The following WNK4 variants were observed in gnomAD, a reference collection of about 807,000 sequenced individuals.
The protein encoded by WNK4 is serine/threonine-protein kinase WNK4.
In WNK4, 94 loss-of-function variants were observed where a neutral mutation model predicts 116.2. That is an observed-to-expected ratio of 0.81 (90% CI 0.68 to 0.96). The LOEUF (loss-of-function observed/expected upper bound fraction) is 0.96. WNK4 is among the 40% of genes least tolerant of loss of function. The pLI, the probability that WNK4 is intolerant of heterozygous loss-of-function variation, is 0.00. For missense variants in WNK4, 1,542 were observed against 1,650.6 expected, an observed-to-expected ratio of 0.93 and a Z score of 1.14; for synonymous variants, 655 against 672.7, an observed-to-expected ratio of 0.97 and a Z score of 0.41.
chr17:42,782,814 C>T lies in WNK4; in HGVS notation c.675C>T (p.Leu225=), dbSNP rs1026689965. The T allele has an allele frequency of 6.8e-6, 11 of 1,614,066 alleles. No individual in the cohort carries two copies. The highest frequency in any genetic ancestry group is 7.6e-6 in the Non-Finnish European group (9 of 1,180,042). The change falls in exon 2 of 19, where the codon CTC becomes CTT. Residue 225 remains leucine, a synonymous_variant. Coordinates refer to ENST00000246914, the MANE Select transcript of WNK4 (RefSeq NM_032387.5). This position sits in a 1 kb window ranked among gnomAD's most constrained non-coding sequence, Gnocchi z 4.2. Reference sequence around the variant, plus strand: ...GCTTCTCAGAGGAGGTGGAGATGCTCAAGGGGCTGCAGCACCCCAACATCG... The same window carrying T: ...GCTTCTCAGAGGAGGTGGAGATGCTTAAGGGGCTGCAGCACCCCAACATCG... The part of the protein sequence containing the change: ...RQRFSEEVEM[L]KGLQHPNIVR...
At chr17:42,792,190 T>C (rs2054613910) in intron 11 of WNK4, among the ~76,000 whole-genome samples, 1 of 152,184 alleles carries the variant, frequency 6.6e-6, no homozygotes, top group Non-Finnish European at 1.5e-5. Context: ...ATGATAGTAT[T>C]TGTTTTGCAA....
At position 42,784,300 on chromosome 17, in the gene WNK4, A is replaced by C. The variant is rs1055727162; in HGVS notation, c.1013-122A>C. 10 of 1,537,530 alleles carry C rather than the reference A, an allele frequency of 6.5e-6. No homozygotes were observed. Among genetic ancestry groups the C allele is most frequent in the Admixed American group, 3.7e-5 (2 of 54,124 alleles). The stretch of plus-strand genomic sequence containing the variant: ...GAAGCTGAGGAGACCTATGGCACCC[A>C]CCTCAACCCCACTGTGGGCCGGGGT... On this transcript the variant is annotated intron_variant, in intron 3 of 18. Coordinates refer to ENST00000246914, the MANE Select transcript of WNK4 (RefSeq NM_032387.5). This position sits in a 1 kb window ranked among gnomAD's most constrained non-coding sequence, Gnocchi z 4.4.
In WNK4 at chr17:42,782,718, T is replaced by G; in HGVS notation, c.619-40T>G. 1 of 1,612,560 alleles carries G rather than the reference T, an allele frequency of 6.2e-7. No individual in the cohort carries two copies. Among genetic ancestry groups the G allele is most frequent in the Non-Finnish European group, 8.5e-7 (1 of 1,179,514 alleles). On this transcript the variant is annotated intron_variant, in intron 1 of 18. Coordinates refer to ENST00000246914, the MANE Select transcript of WNK4 (RefSeq NM_032387.5). The surrounding 1 kb of genome is among the most constrained non-coding windows in gnomAD (Gnocchi z 4.2). Reference sequence around the variant, plus strand: ...AGGTGTCCCTCTTCCTTTCTGTGGGTGTCCTGGGCCTGACATGACACCCGT... The same window carrying G: ...AGGTGTCCCTCTTCCTTTCTGTGGGGGTCCTGGGCCTGACATGACACCCGT...
chr17:42,784,535 T>G lies in WNK4; in HGVS notation c.1126T>G (p.Ser376Ala), dbSNP rs1568027539. 6.2e-7 allele frequency: 1 copy of G among 1,614,036 alleles called. No individual in the cohort carries two copies. Among genetic ancestry groups the G allele is most frequent in the East Asian group, 2.2e-5 (1 of 44,864 alleles). Residue 376 changes from serine to alanine, a missense_variant, in exon 4 of 19, where the codon TCC (serine) becomes GCC (alanine). Ser to Ala is a moderately conservative substitution (Grantham distance 99). Coordinates refer to ENST00000246914, the MANE Select transcript of WNK4 (RefSeq NM_032387.5). The surrounding 1 kb of genome is among the most constrained non-coding windows in gnomAD (Gnocchi z 4.4). ...GATGGCCACCTCTGAGTACCCGTACTCCGAGTGCCAGAATGCCGCGCAAAT... is the reference window on the plus strand; with the variant it reads ...GATGGCCACCTCTGAGTACCCGTACGCCGAGTGCCAGAATGCCGCGCAAAT... The part of the protein sequence containing the change: ...LEMATSEYPY[S>A]ECQNAAQIYR...
In WNK4 at chr17:42,794,912, A is replaced by ATG; in HGVS notation, c.2492_2493insGT (p.Ile831MetfsTer105). ...CATTTCCCCAGGTCCCATCTTCCCCATCACTTCTCCCCCATGTCATCCCAG... is the reference window on the plus strand; with the variant it reads ...CATTTCCCCAGGTCCCATCTTCCCCATGTCACTTCTCCCCCATGTCATCCCAG... On this transcript the variant is annotated frameshift_variant, in exon 14 of 19. Transcript: ENST00000246914. LOFTEE classifies it high-confidence loss of function. 3 of 1,216,362 alleles carry ATG rather than the reference A, an allele frequency of 2.5e-6. No individual in the cohort carries two copies. The highest frequency in any genetic ancestry group is 3.2e-6 in the Non-Finnish European group (3 of 928,612). 75.3% of individuals were successfully genotyped at this position (1,216,362 alleles called of 1,614,324 possible). A position where few individuals can be genotyped will look rare whatever the true frequency, so the allele number is the denominator to read the frequency against.
chr17:42,784,926 T>TGGG lies in WNK4; in HGVS notation c.1171-163_1171-161dup, dbSNP rs35483050. 2.1e-3 allele frequency among the ~76,000 whole-genome samples: 239 copies of TGGG among 113,140 alleles called. 4 individuals carry two copies. The highest frequency in any genetic ancestry group is 8.9e-3 in the African/African-American group (225 of 25,366). 74.2% of individuals were successfully genotyped at this position (113,140 alleles called of 152,430 possible). On this transcript the variant is annotated intron_variant, in intron 4 of 18. Transcript: ENST00000246914. The surrounding 1 kb of genome is among the most constrained non-coding windows in gnomAD (Gnocchi z 4.4). ...TGTTCAAGATCACACTGTAAATACT[T>TGGG]GGGGGGGGGGCGGGGATTAGGATTT...
chr17:42,784,133 G>A lies in WNK4; in HGVS notation c.988G>A (p.Ala330Thr). ...GDLGLATLKRASFAKSVIGTP... is the reference protein window; with the variant it reads ...GDLGLATLKRTSFAKSVIGTP... ...CCTGGGCCTGGCCACGCTCAAGCGC[G>A]CCTCCTTTGCCAAGAGTGTCATCGG... The change falls in exon 3 of 19, where the codon GCC becomes ACC. Residue 330 changes from alanine (A) to threonine (T), a missense_variant. Transcript: ENST00000246914. This position sits in a 1 kb window ranked among gnomAD's most constrained non-coding sequence, Gnocchi z 4.4. 2 of 1,607,416 alleles carry A rather than the reference G, an allele frequency of 1.2e-6. No individual in the cohort carries two copies. The highest frequency in any genetic ancestry group is 1.7e-6 in the Non-Finnish European group (2 of 1,180,002).
At chr17:42,783,635 T>G in intron 2 of WNK4, 2 of 487,780 alleles carry the variant, frequency 4.1e-6, no homozygotes, top group Non-Finnish European at 7.5e-6. Context: ...CAAAAGTATT[T>G]CCTCTCCGAA....
intron 11 of WNK4, among the ~76,000 whole-genome samples, chr17:42,790,846 C>G (rs1200414286): frequency 1.3e-5 from 2 of 152,064 alleles, no homozygotes; most frequent in Non-Finnish European, 2.9e-5. Flanking sequence ...GGAGAAACAC[C>G]AGGCATCAGG....
chr17:42,782,828 A>AC lies in WNK4; in HGVS notation c.693dup (p.Asn232GlnfsTer7), dbSNP rs1183200078. 1 of 1,614,054 alleles carries AC rather than the reference A, an allele frequency of 6.2e-7. No homozygotes were observed. ...GTGGAGATGCTCAAGGGGCTGCAGC[A>AC]CCCCAACATCGTCCGCTTCTATGAT... On this transcript the variant is annotated frameshift_variant, in exon 2 of 19. Transcript: ENST00000246914. LOFTEE classifies it high-confidence loss of function. The surrounding 1 kb of genome is among the most constrained non-coding windows in gnomAD (Gnocchi z 4.2).
In WNK4 at chr17:42,787,854, G is replaced by A. The variant is rs149633706; in HGVS notation, c.1818G>A (p.Gly606=). ...DASDPALQPP[G]GVPSSLAESH... ...CAGACCCTGCCCTTCAGCCCCCTGG[G>A]GGGGTGCCATCCAGCCTGGCTGAGT... Residue 606 remains glycine, a synonymous_variant, in exon 8 of 19, where the codon GGG becomes GGA. Transcript: ENST00000246914. 1.3e-4 allele frequency: 202 copies of A among 1,611,936 alleles called. No homozygotes were observed. The highest frequency in any genetic ancestry group is 1.6e-4 in the Non-Finnish European group (189 of 1,180,026).
At position 42,795,486 on chromosome 17, in the gene WNK4, T is replaced by C. The variant is rs879824546; in HGVS notation, c.2987T>C (p.Leu996Pro). 1.9e-6 allele frequency: 3 copies of C among 1,614,070 alleles called. No individual in the cohort carries two copies. Among genetic ancestry groups the C allele is most frequent in the Admixed American group, 1.7e-5 (1 of 60,010 alleles). ...GCCTCACCACCTCCTGCTCGGCCCC[T>C]CCCAGGGGAAGCCAGGCTGGCGCCC... ...SEASPPPARP[L>P]PGEARLAPIS... The change falls in exon 15 of 19, where the codon CTC becomes CCC. Residue 996 changes from leucine to proline, a missense_variant. Around this residue, in one of 7 missense-constraint regions of WNK4, gnomAD observed 292 missense variants for 290.1 expected, o/e 1.01. Coordinates refer to ENST00000246914, the MANE Select transcript of WNK4 (RefSeq NM_032387.5).
chr17:42,785,866 C>T (rs1306345679), intron 6 of WNK4, among the ~76,000 whole-genome samples: 1 of 152,118 alleles, frequency 6.6e-6, no homozygotes, highest in Non-Finnish European at 1.5e-5. Flanking sequence ...AACTTAAATG[C>T]TTCTTTCCAC....
chr17:42,791,837 G>C (rs922593515), intron 11 of WNK4, among the ~76,000 whole-genome samples: 1 of 151,526 alleles, frequency 6.6e-6, no homozygotes, highest in African/African-American at 2.4e-5. Context: ...GGCAGTCCCA[G>C]CTACTCAAGA....
intron 12 of WNK4, chr17:42,794,155 A>C: frequency 3.1e-6 from 1 of 322,036 alleles, no homozygotes; most frequent in Non-Finnish European, 5.9e-6. Context: ...TGCCTGGCCT[A>C]AAACAGTGGC....
chr17:42,785,311 G>T lies in WNK4; in HGVS notation c.1305G>T (p.Glu435Asp). ...TGGCCCACGCCTTCTTCCGCGAGGA[G>T]CGCGGTGTGCACGTGGAACTAGCGG... is the stretch of plus-strand genomic sequence containing the variant. The part of the protein sequence containing the change: ...DLLAHAFFRE[E>D]RGVHVELAEE... Residue 435 changes from glutamate (E) to aspartate (D), a missense_variant, in exon 6 of 19, where the codon GAG becomes GAT. This residue lies in a region of WNK4 where 808 missense variants were observed against 873.6 expected (regional missense o/e 0.92). Transcript: ENST00000246914. The T allele has an allele frequency of 6.2e-7, 1 of 1,612,144 alleles. No individual in the cohort carries two copies. The highest frequency in any genetic ancestry group is 1.3e-5 in the African/African-American group (1 of 75,052).
chr17:42,788,847 C>A, intron 11 of WNK4, 50 bp downstream of exon 11: 2 of 1,493,986 alleles, frequency 1.3e-6, no homozygotes, highest in South Asian at 1.1e-5. Context: ...GAACAAGAGT[C>A]TCCTTCCTGA....
chr17:42,793,867 T>C (rs1215706053), intron 12 of WNK4, 138 bp downstream of exon 12: 2 of 1,170,044 alleles, frequency 1.7e-6, no homozygotes, highest in Non-Finnish European at 2.4e-6. Context: ...TTTTTTTTTT[T>C]TTTGAGATGG....
rs748348489 is a variant in WNK4, at chr17:42,788,114, C to T, written c.1864-16C>T. On this transcript the variant is annotated splice_polypyrimidine_tract_variant and intron_variant, in intron 8 of 18. Coordinates refer to ENST00000246914, the MANE Select transcript of WNK4 (RefSeq NM_032387.5). ...GTTATCTTCCCCTGACCTCATGAAC[C>T]CTTATCCTGTTTCAGGCTTTTGCCC... The T allele has an allele frequency of 5.0e-6, 8 of 1,614,058 alleles. No homozygotes were observed. Among genetic ancestry groups the T allele is most frequent in the Non-Finnish European group, 4.2e-6 (5 of 1,180,038 alleles).
Sources: gnomAD v4.1 joint callset for allele counts (sites outside exome capture counted in the v4.1 genomes callset) on GRCh38, gnomAD v4.1.1 for gene constraint, gnomAD v4.1.1 regional missense constraint, Gnocchi (gnomAD v3.1) non-coding constraint, MANE v1.5 for transcripts, NCBI Gene and HGNC (gene_info 2026-07-23, HGNC 2026-07-21) for gene names.